The following GLB1L variants were observed in gnomAD, a reference collection of about 807,000 sequenced individuals.
GLB1L encodes galactosidase beta 1 like.
Under a neutral mutation model 75.7 loss-of-function variants are expected in GLB1L, and 58 were observed. That is an observed-to-expected ratio of 0.77 (90% CI 0.62 to 0.95). The LOEUF (loss-of-function observed/expected upper bound fraction) is 0.95, where lower values mean the gene tolerates loss of function less well. Ranked by LOEUF, GLB1L falls within the 40% of genes least tolerant of loss-of-function variation. The probability of loss-of-function intolerance (pLI) is 0.00; values close to 1 mark genes in which losing one functional copy is unlikely to be tolerated. For missense variants in GLB1L, 797 were observed against 805.5 expected (o/e 0.99, Z 0.13); for synonymous variants, 296 against 303.0 (o/e 0.98, Z 0.24).
At position 219,242,508 on chromosome 2, in the gene GLB1L, A is replaced by C; in HGVS notation, c.451+6T>G. On this transcript the variant is annotated splice_donor_region_variant and intron_variant, in intron 5 of 16. Coordinates refer to ENST00000295759, the MANE Select transcript of GLB1L (RefSeq NM_001286423.2). ...CTTCTGTGTTAAATCCTTTGTCTCAACTCACCTGGATCTGAGGTTCTTAGA... is the reference window on the plus strand; with the variant it reads ...CTTCTGTGTTAAATCCTTTGTCTCACCTCACCTGGATCTGAGGTTCTTAGA... The C allele has an allele frequency of 6.2e-7, 1 of 1,609,638 alleles. No homozygotes were observed. The highest frequency in any genetic ancestry group is 8.5e-7 in the Non-Finnish European group (1 of 1,176,034).
At chr2:219,243,097 G>C (rs755138912) in intron 3 of GLB1L, 51 bp downstream of exon 3, 1 of 1,560,872 alleles carries the variant, frequency 6.4e-7, no homozygotes, top group Non-Finnish European at 8.7e-7. Context: ...ATAAGGGGGC[G>C]GTAGAAAAAG....
chr2:219,238,800 G>T, intron 11 of GLB1L, 21 bp from the exon 12 acceptor site: 2 of 1,597,874 alleles, frequency 1.3e-6, no homozygotes, highest in Non-Finnish European at 1.7e-6. Context: ...ATTCTCTCAG[G>T]ATCCATAGGA....
chr2:219,239,477 A>T lies in GLB1L; in HGVS notation c.903-26T>A, dbSNP rs1268765273. 1.9e-6 allele frequency: 3 copies of T among 1,610,668 alleles called. No individual in the cohort carries two copies. In the South Asian group the frequency reaches 3.3e-5, roughly 18 times the overall value. ...CTGAAGTGAGAGAGGGTGGGGGAACAGGTAAAAGCTGACTCACTGAATCTT... is the reference window on the plus strand; with the variant it reads ...CTGAAGTGAGAGAGGGTGGGGGAACTGGTAAAAGCTGACTCACTGAATCTT... On this transcript the variant is annotated intron_variant, in intron 9 of 16. Coordinates refer to ENST00000295759, the MANE Select transcript of GLB1L (RefSeq NM_001286423.2).
rs2125063382 is a variant in GLB1L, at chr2:219,245,342, C to T, written c.-184G>A. On this transcript the variant is annotated 5_prime_UTR_variant, in exon 1 of 17. Coordinates refer to ENST00000295759, the MANE Select transcript of GLB1L (RefSeq NM_001286423.2). ...CACCGAAGGCCAAGTAGAGAACCCT[C>T]ACCAGGGTCCTGGGACCCGTCCACC... 6.6e-6 allele frequency: 1 copy of T among 152,478 alleles called. No homozygotes were observed. The highest frequency in any genetic ancestry group is 2.1e-4 in the South Asian group (1 of 4,872). 9.4% of individuals were successfully genotyped at this position (152,478 alleles called of 1,614,324 possible).
At position 219,243,151 on chromosome 2, in the gene GLB1L, TGTATGGC is replaced by T; in HGVS notation, c.229_235del (p.Ala77SerfsTer28). 6.2e-7 allele frequency: 1 copy of T among 1,605,670 alleles called. No homozygotes were observed. The highest frequency in any genetic ancestry group is 8.5e-7 in the Non-Finnish European group (1 of 1,176,028). ...GGCTCTTGCGAGCACTTCTTACAAC[TGTATGGC>T]GTTGAGGCCGCTCCATCGCATCTTC... On this transcript the variant is annotated frameshift_variant, in exon 3 of 17. Transcript: ENST00000295759. LOFTEE classifies it high-confidence loss of function.
intron 9 of GLB1L, 29 bp downstream of exon 9, chr2:219,239,532 T>C: frequency 1.9e-6 from 3 of 1,614,132 alleles, no homozygotes; most frequent in Non-Finnish European, 2.5e-6. Flanking sequence ...CAGCTACAGA[T>C]TCATATTGCC....
At chr2:219,242,981 A>C (rs1574870600) in intron 3 of GLB1L, 63 bp from the exon 4 acceptor site, 4 of 1,598,220 alleles carry the variant, frequency 2.5e-6, no homozygotes, top group East Asian at 4.5e-5. Flanking sequence ...CTAACGGCTC[A>C]GGCCTTGCAG....
Position 219,238,082 on chromosome 2 carries a change from T to G in GLB1L, c.1342-125A>C, listed in dbSNP as rs80098484. ...AATGTAGCCATCTATCACCCATCTATTCTAGAATTCTATCCTTAATCAAAC... is the reference window on the plus strand; with the variant it reads ...AATGTAGCCATCTATCACCCATCTAGTCTAGAATTCTATCCTTAATCAAAC... On this transcript the variant is annotated intron_variant, in intron 14 of 16. Transcript: ENST00000295759. 7.1e-3 allele frequency: 7,895 copies of G among 1,105,446 alleles called. 52 individuals are homozygous for G. The highest frequency in any genetic ancestry group is 9.2e-3 in the Admixed American group (431 of 46,640). The allele number at this position is 1,105,446 out of a possible 1,614,324, so 68.5% of individuals were successfully genotyped here. A position where few individuals can be genotyped will look rare whatever the true frequency, so the allele number is the denominator to read the frequency against.
At chr2:219,243,417 T>C in intron 2 of GLB1L, 85 bp downstream of exon 2, 3 of 1,597,978 alleles carry the variant, frequency 1.9e-6, no homozygotes, top group Non-Finnish European at 2.6e-6. Flanking sequence ...GCGGGTTGTT[T>C]GGTTGTTACT....
chr2:219,242,733 G>T (rs1226667185), intron 4 of GLB1L, 35 bp downstream of exon 4: 6 of 1,612,316 alleles, frequency 3.7e-6, no homozygotes, highest in Non-Finnish European at 4.2e-6. Flanking sequence ...ACTGCACAAG[G>T]ATAACTGGTT....
At chr2:219,239,386 T>C in intron 10 of GLB1L, 25 bp downstream of exon 10, 1 of 1,570,196 alleles carries the variant, frequency 6.4e-7, no homozygotes, top group Non-Finnish European at 8.6e-7. Context: ...TCCCTGCTTC[T>C]ATCCCAGGGA....
chr2:219,243,303 C>CCA lies in GLB1L; in HGVS notation c.83_84insTG (p.Ser29GlyfsTer4). On this transcript the variant is annotated frameshift_variant, in exon 3 of 17. Transcript: ENST00000295759. LOFTEE classifies it high-confidence loss of function. ...CATGACCCCTATCCACTACGAACGA[C>CCA]CGAGTGTCTGCCTATAAAGAGAAAG... 6.3e-7 allele frequency: 1 copy of CCA among 1,598,378 alleles called. No homozygotes were observed.
intron 5 of GLB1L, among the ~76,000 whole-genome samples, chr2:219,241,771 T>C (rs1483811721): frequency 4.0e-5 from 6 of 151,886 alleles, no homozygotes; most frequent in Non-Finnish European, 7.4e-5. Context: ...AGCAGAGAAA[T>C]GACAAGATCT....
rs185469436 is a variant in GLB1L at position 219,240,143 on chromosome 2, G to C, written c.546+48C>G. ...AACCCAGCTATGGGATGGAGGTCAA[G>C]GACCCCTTGTACCTTCTTCCCCTGC... On this transcript the variant is annotated intron_variant, in intron 6 of 16. Coordinates refer to ENST00000295759, the MANE Select transcript of GLB1L (RefSeq NM_001286423.2). 6 of 1,612,650 alleles carry C rather than the reference G, an allele frequency of 3.7e-6. No individual in the cohort carries two copies. In the African/African-American group the frequency reaches 4.0e-5, roughly 11 times the overall value.
At chr2:219,239,478 G>A (rs1479200448) in intron 9 of GLB1L, 27 bp from the exon 10 acceptor site, 1 of 1,611,380 alleles carries the variant, frequency 6.2e-7, no homozygotes, top group Non-Finnish European at 8.5e-7. Flanking sequence ...TGGGGGAACA[G>A]GTAAAAGCTG....
Position 219,240,193 on chromosome 2 carries a change from G to C in GLB1L, c.544C>G (p.Gln182Glu), listed in dbSNP as rs756961763. Residue 182 changes from glutamine to glutamate, a missense_variant and splice_region_variant, in exon 6 of 17, where the codon CAG becomes GAG. By Grantham distance (29) the Gln-to-Glu change is conservative. Transcript: ENST00000295759. ...CTCCAGTCACTTCCCCCTTGTACCT[G>C]AATGCTAATGATGTTGCCCCCATTG... The part of the protein sequence containing the change: ...YHNGGNIISI[Q>E]VENEYGSYRA... 1.9e-6 allele frequency: 3 copies of C among 1,613,894 alleles called. No individual in the cohort carries two copies. The highest frequency in any genetic ancestry group is 2.7e-5 in the African/African-American group (2 of 74,918).
Position 219,243,205 on chromosome 2 carries a change from A to G in GLB1L, c.182T>C (p.Val61Ala). 1 of 1,614,034 alleles carries G rather than the reference A, an allele frequency of 6.2e-7. No individual in the cohort carries two copies. The highest frequency in any genetic ancestry group is 1.3e-5 in the African/African-American group (1 of 75,044). The stretch of plus-strand genomic sequence containing the variant: ...CTTCAAAAGCCGGTCGGCCCAAAGC[A>G]CCCGCGGTACCCGAAAGTAGTGCAG... ...GSLHYFRVPRVLWADRLLKMR... is the reference protein window; with the variant it reads ...GSLHYFRVPRALWADRLLKMR... Residue 61 changes from valine (V) to alanine (A), a missense_variant, in exon 3 of 17, where the codon GTG becomes GCG. Coordinates refer to ENST00000295759, the MANE Select transcript of GLB1L (RefSeq NM_001286423.2).
At position 219,237,725 on chromosome 2, in the gene GLB1L, GCC is replaced by G; in HGVS notation, c.1474_1475del (p.Gly492ProfsTer23). The part of the protein sequence containing the change: ...SFGSNSSDFK[G>X]LLKPPILGQT... ...GCCCCAGAATTGGTGGCTTCAACAG[GCC>G]CTATAGGGAAGGAAAATGAAAAGTC... On this transcript the variant is annotated frameshift_variant and splice_region_variant, in exon 16 of 17. Transcript: ENST00000295759. LOFTEE classifies it high-confidence loss of function. 6.2e-7 allele frequency: 1 copy of G among 1,613,710 alleles called. No individual in the cohort carries two copies. The highest frequency in any genetic ancestry group is 8.5e-7 in the Non-Finnish European group (1 of 1,179,696).
chr2:219,242,658 G>T, intron 4 of GLB1L, 84 bp from the exon 5 acceptor site: 1 of 1,527,836 alleles, frequency 6.5e-7, no homozygotes, highest in Non-Finnish European at 9.1e-7. Flanking sequence ...AAGGAAGGAA[G>T]GGAAGGAATT....
Sources: gnomAD v4.1 joint callset for allele counts (sites outside exome capture counted in the v4.1 genomes callset) on GRCh38, gnomAD v4.1.1 for gene constraint, MANE v1.5 for transcripts, NCBI Gene and HGNC (gene_info 2026-07-23, HGNC 2026-07-21) for gene names.